Variants in ITGB4 observed in about 807,000 individuals in gnomAD.
ITGB4 encodes integrin beta-4.
Under a neutral mutation model 207.6 loss-of-function variants are expected in ITGB4, and 159 were observed. That is an observed-to-expected ratio of 0.77 (90% CI 0.67 to 0.87). The LOEUF is 0.87. Ranked by LOEUF, ITGB4 falls within the 40% of genes least tolerant of loss-of-function variation. The probability of loss-of-function intolerance (pLI) is 0.00; values close to 1 mark genes in which losing one functional copy is unlikely to be tolerated. For missense variants in ITGB4, 2,278 were observed against 2,546.8 expected, an observed-to-expected ratio of 0.89 and a Z score of 2.27; for synonymous variants, 1,020 against 1,062.7, an observed-to-expected ratio of 0.96 and a Z score of 0.78.
chr17:75,755,809 C>T lies in ITGB4; in HGVS notation c.4667C>T (p.Pro1556Leu), dbSNP rs548383450. 4.7e-5 allele frequency: 76 copies of T among 1,609,162 alleles called. No individual in the cohort carries two copies. Among genetic ancestry groups the T allele is most frequent in the Non-Finnish European group, 5.8e-5 (68 of 1,179,828 alleles). The change falls in exon 35 of 40, where the codon CCG becomes CTG. Residue 1556 changes from proline to leucine, a missense_variant. Pro to Leu is a moderately conservative substitution (Grantham distance 98). Coordinates refer to ENST00000200181, the MANE Select transcript of ITGB4 (RefSeq NM_000213.5). ...TGGCAGGAGCCGCGGTGCGAGCGGC[C>T]GCTGCAGGGCTACAGTGTGGAGTAC... is the stretch of plus-strand genomic sequence containing the variant. ...VSWQEPRCER[P>L]LQGYSVEYQL...
At position 75,742,768 on chromosome 17, in the gene ITGB4, C is replaced by T; in HGVS notation, c.2962+7C>T. 1 of 1,605,520 alleles carries T rather than the reference C, an allele frequency of 6.2e-7. No individual in the cohort carries two copies. On this transcript the variant is annotated splice_region_variant and intron_variant, in intron 25 of 39. Coordinates refer to ENST00000200181, the MANE Select transcript of ITGB4 (RefSeq NM_000213.5). The surrounding 1 kb of genome is among the most constrained non-coding windows in gnomAD (Gnocchi z 5.9). ...ACCATCATCAAGGAGCAAGGTGGGT[C>T]TGGGTGGGGAGAGTGGGGAAGGCAG...
At chr17:75,752,419 G>T in intron 31 of ITGB4, 27 bp from the exon 32 acceptor site, 2 of 1,612,912 alleles carry the variant, frequency 1.2e-6, no homozygotes, top group Non-Finnish European at 1.7e-6. Flanking sequence ...AGCAGCCAGG[G>T]CCCTGGCTCA....
In ITGB4 at chr17:75,750,622, C is replaced by T; in HGVS notation, c.3475-58C>T. The T allele has an allele frequency of 6.7e-7, 1 of 1,489,182 alleles. No individual in the cohort carries two copies. The highest frequency in any genetic ancestry group is 9.3e-7 in the Non-Finnish European group (1 of 1,073,966). The allele number at this position is 1,489,182 out of a possible 1,614,324, so 92.2% of individuals were successfully genotyped here. ...GTAAGGGCAGAGGTCAGAGGAGGGACAGGCAGCTTGGGTGCCTGCTGCTCC... is the reference window on the plus strand; with the variant it reads ...GTAAGGGCAGAGGTCAGAGGAGGGATAGGCAGCTTGGGTGCCTGCTGCTCC... On this transcript the variant is annotated intron_variant, in intron 28 of 39. Transcript: ENST00000200181. The surrounding 1 kb of genome is among the most constrained non-coding windows in gnomAD (Gnocchi z 5.5).
Position 75,750,333 on chromosome 17 carries a change from A to C in ITGB4, c.3474+65A>C, listed in dbSNP as rs2061339580. On this transcript the variant is annotated intron_variant, in intron 28 of 39. Transcript: ENST00000200181. The surrounding 1 kb of genome is among the most constrained non-coding windows in gnomAD (Gnocchi z 5.5). ...GGTCTGGCACCAGCACTCACAGAAG[A>C]GGTGGGCCGTCCAAGGCCAGGGCCC... 2.0e-6 allele frequency: 3 copies of C among 1,532,660 alleles called. No individual in the cohort carries two copies. The highest frequency in any genetic ancestry group is 2.5e-5 in the South Asian group (2 of 80,716). 94.9% of individuals were successfully genotyped at this position (1,532,660 alleles called of 1,614,324 possible). A position where few individuals can be genotyped will look rare whatever the true frequency, so the allele number is the denominator to read the frequency against.
In ITGB4 at chr17:75,752,264, G is replaced by A. The variant is rs200586694; in HGVS notation, c.3884G>A (p.Arg1295His). ...AACCTTCGGGAGTCCCAGCCCTACCGCTACACGGTGAAGGCGCGCAACGGG... is the reference window on the plus strand; with the variant it reads ...AACCTTCGGGAGTCCCAGCCCTACCACTACACGGTGAAGGCGCGCAACGGG... ...IENLRESQPY[R>H]YTVKARNGAG... Residue 1295 changes from arginine to histidine, a missense_variant, in exon 31 of 40, where the codon CGC becomes CAC. Arg to His is a conservative substitution (Grantham distance 29). Coordinates refer to ENST00000200181, the MANE Select transcript of ITGB4 (RefSeq NM_000213.5). 8 of 1,613,500 alleles carry A rather than the reference G, an allele frequency of 5.0e-6. No individual in the cohort carries two copies. Among genetic ancestry groups the A allele is most frequent in the East Asian group, 2.2e-5 (1 of 44,890 alleles).
In ITGB4 at chr17:75,732,814, AG is replaced by A. The variant is rs1231967340; in HGVS notation, c.1454+577del. ...GTAAAATGGGACAGCAGGCCAGGCG[AG>A]GTGGCTCACACCTGTAATCCCAGCA... On this transcript the variant is annotated intron_variant, in intron 12 of 39. Transcript: ENST00000200181. This position sits in a 1 kb window ranked among gnomAD's most constrained non-coding sequence, Gnocchi z 5.3. Among the ~76,000 whole-genome samples, 1 of 151,954 alleles carries A rather than the reference AG, an allele frequency of 6.6e-6. No individual in the cohort carries two copies. The highest frequency in any genetic ancestry group is 1.5e-5 in the Non-Finnish European group (1 of 67,994).
Position 75,753,970 on chromosome 17 carries a change from C to G in ITGB4, c.4314C>G (p.Pro1438=). The part of the protein sequence containing the change: ...SLPRSATPGP[P]GEHLVNGRMD... ...CCCGCAGTGCGACACCCGGGCCCCCCGGAGGTGACAGGCTCACCCGCCGCC... is the reference window on the plus strand; with the variant it reads ...CCCGCAGTGCGACACCCGGGCCCCCGGGAGGTGACAGGCTCACCCGCCGCC... The change falls in exon 33 of 40, where the codon CCC becomes CCG. Residue 1438 remains proline (P), a synonymous_variant. Transcript: ENST00000200181. 7.9e-7 allele frequency: 1 copy of G among 1,258,132 alleles called. No homozygotes were observed. Among genetic ancestry groups the G allele is most frequent in the Non-Finnish European group, 1.0e-6 (1 of 1,003,766 alleles). The allele number at this position is 1,258,132 out of a possible 1,614,324, so 77.9% of individuals were successfully genotyped here.
At chr17:75,733,972 A>G (rs2060919835) in intron 13 of ITGB4, among the ~76,000 whole-genome samples, 1 of 152,072 alleles carries the variant, frequency 6.6e-6, no homozygotes, top group Admixed American at 6.6e-5. Context: ...CTGGAAGTTC[A>G]GTTCTATGCC....
Position 75,750,319 on chromosome 17 carries a change from A to T in ITGB4, c.3474+51A>T. The stretch of plus-strand genomic sequence containing the variant: ...ACAGGTGGATGGGCGGTCTGGCACC[A>T]GCACTCACAGAAGAGGTGGGCCGTC... On this transcript the variant is annotated intron_variant, in intron 28 of 39. Transcript: ENST00000200181. The surrounding 1 kb of genome is among the most constrained non-coding windows in gnomAD (Gnocchi z 5.5). 1 of 1,561,048 alleles carries T rather than the reference A, an allele frequency of 6.4e-7. No homozygotes were observed. The highest frequency in any genetic ancestry group is 8.7e-7 in the Non-Finnish European group (1 of 1,149,664).
At position 75,732,374 on chromosome 17, in the gene ITGB4, A is replaced by C; in HGVS notation, c.1454+135A>C. 1.2e-6 allele frequency: 1 copy of C among 821,724 alleles called. No homozygotes were observed. The highest frequency in any genetic ancestry group is 2.6e-5 in the East Asian group (1 of 38,790). The allele number at this position is 821,724 out of a possible 1,614,324, so 50.9% of individuals were successfully genotyped here. A position where few individuals can be genotyped will look rare whatever the true frequency, so the allele number is the denominator to read the frequency against. ...TGGGGCGGCAATCAAAGAAACGGCTAAGGGCGGGGCACACCCAGTTGTTGG... is the reference window on the plus strand; with the variant it reads ...TGGGGCGGCAATCAAAGAAACGGCTCAGGGCGGGGCACACCCAGTTGTTGG... On this transcript the variant is annotated intron_variant, in intron 12 of 39. Transcript: ENST00000200181. The surrounding 1 kb of genome is among the most constrained non-coding windows in gnomAD (Gnocchi z 5.3).
rs2148461288 is a variant in ITGB4 at position 75,727,203 on chromosome 17, TGCAA to T, written c.90_93del (p.Cys30Ter). On this transcript the variant is annotated frameshift_variant, in exon 3 of 40. Coordinates refer to ENST00000200181, the MANE Select transcript of ITGB4 (RefSeq NM_000213.5). LOFTEE classifies it high-confidence loss of function. This position sits in a 1 kb window ranked among gnomAD's most constrained non-coding sequence, Gnocchi z 6.0. ...CACATCTGTCCCCCCAGCAAACCGCTGCAAGAAGGCCCCAGTGAAGAGCTGCACG... is the reference window on the plus strand; with the variant it reads ...CACATCTGTCCCCCCAGCAAACCGCTGAAGGCCCCAGTGAAGAGCTGCACG... 6.2e-7 allele frequency: 1 copy of T among 1,614,012 alleles called. No homozygotes were observed. The highest frequency in any genetic ancestry group is 1.3e-5 in the African/African-American group (1 of 75,046).
chr17:75,754,027 G>A, intron 33 of ITGB4, 53 bp downstream of exon 33: 3 of 834,852 alleles, frequency 3.6e-6, no homozygotes, highest in Non-Finnish European at 4.8e-6. Context: ...CCTCACTCGC[G>A]CCTGAGGGCC....
At position 75,731,506 on chromosome 17, in the gene ITGB4, G is replaced by T; in HGVS notation, c.1215+138G>T. 1.1e-6 allele frequency: 1 copy of T among 930,012 alleles called. No individual in the cohort carries two copies. The highest frequency in any genetic ancestry group is 2.5e-5 in the East Asian group (1 of 40,166). The allele number at this position is 930,012 out of a possible 1,614,324, so 57.6% of individuals were successfully genotyped here. A position where few individuals can be genotyped will look rare whatever the true frequency, so the allele number is the denominator to read the frequency against. Reference sequence around the variant, plus strand: ...TGCAGATCCCTGGGCCTAGCCGCTCGGATGAGCCTAGGTTGCTCCTCTGCT... The same window carrying T: ...TGCAGATCCCTGGGCCTAGCCGCTCTGATGAGCCTAGGTTGCTCCTCTGCT... On this transcript the variant is annotated intron_variant, in intron 10 of 39. Coordinates refer to ENST00000200181, the MANE Select transcript of ITGB4 (RefSeq NM_000213.5). This position sits in a 1 kb window ranked among gnomAD's most constrained non-coding sequence, Gnocchi z 6.8.
At chr17:75,725,581 T>C (rs1207608860) in intron 2 of ITGB4, among the ~76,000 whole-genome samples, 1 of 152,180 alleles carries the variant, frequency 6.6e-6, no homozygotes, top group Non-Finnish European at 1.5e-5. Flanking sequence ...CCCAAAGTGC[T>C]GGGATTACAG....
In ITGB4 at chr17:75,757,682, C is replaced by A; in HGVS notation, c.*127C>A. 1 of 1,323,976 alleles carries A rather than the reference C, an allele frequency of 7.6e-7. No homozygotes were observed. 82.0% of individuals were successfully genotyped at this position (1,323,976 alleles called of 1,614,324 possible). ...CCCACCCGCATGCACAGAGCAGGGG[C>A]TAGGTGTCTCCTGGGAGGCATGAAG... On this transcript the variant is annotated 3_prime_UTR_variant, in exon 40 of 40. Coordinates refer to ENST00000200181, the MANE Select transcript of ITGB4 (RefSeq NM_000213.5).
In ITGB4 at chr17:75,750,166, C is replaced by G. The variant is rs781687929; in HGVS notation, c.3372C>G (p.His1124Gln). Residue 1124 changes from histidine (H) to glutamine (Q), a missense_variant, in exon 28 of 40, where the codon CAC becomes CAG. His to Gln is a conservative substitution (Grantham distance 24). Coordinates refer to ENST00000200181, the MANE Select transcript of ITGB4 (RefSeq NM_000213.5). This position sits in a 1 kb window ranked among gnomAD's most constrained non-coding sequence, Gnocchi z 5.5. ...TGTTGTCATCACAGCCACCCCCTCA[C>G]GGCGACCTGGGCGCCCCGCAGAACC... ...SQMLSSQPPP[H>Q]GDLGAPQNPN... The G allele has an allele frequency of 4.3e-6, 7 of 1,613,752 alleles. No individual in the cohort carries two copies. The highest frequency in any genetic ancestry group is 2.2e-5 in the East Asian group (1 of 44,898).
rs73995987 is a variant in ITGB4 at position 75,722,102 on chromosome 17, C to T, written c.-11+490C>T. Among the ~76,000 whole-genome samples, 814 of 152,312 alleles carry T rather than the reference C, an allele frequency of 5.3e-3. 8 individuals are homozygous for T. The highest frequency in any genetic ancestry group is 0.018 in the African/African-American group (747 of 41,560). Reference sequence around the variant, plus strand: ...GGCTCCAGGCAGGGCTTGCTCTATGCGGTGCCACAGTCCATCTGGGGCTGG... The same window carrying T: ...GGCTCCAGGCAGGGCTTGCTCTATGTGGTGCCACAGTCCATCTGGGGCTGG... On this transcript the variant is annotated intron_variant, in intron 1 of 39. Coordinates refer to ENST00000200181, the MANE Select transcript of ITGB4 (RefSeq NM_000213.5). The surrounding 1 kb of genome is among the most constrained non-coding windows in gnomAD (Gnocchi z 6.2).
Position 75,737,372 on chromosome 17 carries a change from A to C in ITGB4, c.2041A>C (p.Thr681Pro), listed in dbSNP as rs1375543467. ...CSFRDEDDDC[T>P]YSYTMEGDGA... ...CTTCCGGGACGAGGATGACGACTGC[A>C]CCTACAGCTACACCATGGAAGGTGA... Residue 681 changes from threonine to proline, a missense_variant, in exon 17 of 40, where the codon ACC (threonine) becomes CCC (proline). By Grantham distance (38) the Thr-to-Pro change is conservative. Coordinates refer to ENST00000200181, the MANE Select transcript of ITGB4 (RefSeq NM_000213.5). The C allele has an allele frequency of 1.9e-6, 3 of 1,583,024 alleles. No individual in the cohort carries two copies. The Admixed American group carries it at 5.4e-5, about 29-fold the overall frequency.
intron 38 of ITGB4, 43 bp from the exon 39 acceptor site, chr17:75,757,157 C>G: frequency 6.2e-7 from 1 of 1,612,552 alleles, no homozygotes; most frequent in Non-Finnish European, 8.5e-7. Flanking sequence ...GGCCGTGCCT[C>G]CTTCTGGCAC....
Sources: gnomAD v4.1 joint callset for allele counts (sites outside exome capture counted in the v4.1 genomes callset) on GRCh38, gnomAD v4.1.1 for gene constraint, Gnocchi (gnomAD v3.1) non-coding constraint, MANE v1.5 for transcripts, NCBI Gene and HGNC (gene_info 2026-07-23, HGNC 2026-07-21) for gene names.